DIAPH2: variants seen among roughly 807,000 people sequenced by gnomAD.
DIAPH2 encodes the protein protein diaphanous homolog 2.
In DIAPH2, 35 loss-of-function variants were observed where a neutral mutation model predicts 92.7. The observed-to-expected ratio is 0.38, with a 90% CI of 0.29 to 0.50. The LOEUF (loss-of-function observed/expected upper bound fraction) is 0.50. Among genes scored for constraint, DIAPH2 ranks in the 20% least tolerant of loss-of-function variants. The probability of loss-of-function intolerance (pLI) is 0.94; values close to 1 mark genes in which losing one functional copy is unlikely to be tolerated. For missense variants in DIAPH2, 701 were observed against 819.5 expected (o/e 0.86, Z 1.77); for synonymous variants, 301 against 280.4 (o/e 1.07, Z -0.73).
intron 25 of DIAPH2, among the ~76,000 whole-genome samples, chrX:97,426,775 G>A (rs1007683621): frequency 1.8e-5 from 2 of 112,225 alleles, no homozygotes; most frequent in East Asian, 5.5e-4. Context: ...CTGAACTGAC[G>A]TGTGCAGAAG....
Position 97,187,281 on chromosome X carries a change from C to CTTTT in DIAPH2, c.2719+45507_2719+45510dup, listed in dbSNP as rs763781923. Among the ~76,000 whole-genome samples, 16 of 36,879 alleles carry CTTTT rather than the reference C, an allele frequency of 4.3e-4. 6 individuals carry two copies. Among genetic ancestry groups the CTTTT allele is most frequent in the African/African-American group, 8.3e-4 (8 of 9,665 alleles). The allele number at this position is 36,879 out of a possible 115,157, so 32.0% of individuals were successfully genotyped here. A position where few individuals can be genotyped will look rare whatever the true frequency, so the allele number is the denominator to read the frequency against. On this transcript the variant is annotated intron_variant, in intron 22 of 26. Transcript: ENST00000324765. ...AGGGATTGAAGACTAATTAAGTAGC[C>CTTTT]TTTTTTTTTTTTTTTTTTTTTTTGC... is the stretch of plus-strand genomic sequence containing the variant.
chrX:96,739,020 T>A (rs2064104096), intron 3 of DIAPH2, among the ~76,000 whole-genome samples: 1 of 111,700 alleles, frequency 9.0e-6, no homozygotes, highest in South Asian at 3.8e-4. Flanking sequence ...TTTCTACTAT[T>A]TAGTAGTCTC....
intron 9 of DIAPH2, among the ~76,000 whole-genome samples, chrX:96,923,202 G>A (rs1455230422): frequency 1.8e-5 from 2 of 112,224 alleles, no homozygotes; most frequent in Non-Finnish European, 3.8e-5. Flanking sequence ...AAGGTGCCAT[G>A]TTTTTACAAT....
At chrX:97,423,869 A>G (rs527366110) in intron 25 of DIAPH2, among the ~76,000 whole-genome samples, 3 of 111,112 alleles carry the variant, frequency 2.7e-5, no homozygotes, top group South Asian at 7.4e-4. Context: ...TGAAATAAAC[A>G]CATAAACAAT....
At chrX:96,885,184 TA>T (rs1006658486) in intron 5 of DIAPH2, 14,362 of 539,753 alleles carry the variant, frequency 0.027, no homozygotes, top group Non-Finnish European at 0.029. Context: ...GAAGTAGGAC[TA>T]AAAAAAAAAA....
At chrX:97,035,958 T>A (rs2066408188) in intron 17 of DIAPH2, among the ~76,000 whole-genome samples, 1 of 110,864 alleles carries the variant, frequency 9.0e-6, no homozygotes, top group African/African-American at 3.3e-5. Context: ...AAAAAAAGAT[T>A]TCATTTGTTT....
chrX:97,263,829 C>T (rs971123279), intron 23 of DIAPH2, among the ~76,000 whole-genome samples: 15 of 109,075 alleles, frequency 1.4e-4, no homozygotes, highest in Non-Finnish European at 2.1e-4. Flanking sequence ...TCAGGTAATC[C>T]GCCCACCTAG....
At chrX:96,850,901 A>G (rs1270820387) in intron 4 of DIAPH2, among the ~76,000 whole-genome samples, 1 of 111,875 alleles carries the variant, frequency 8.9e-6, no homozygotes, top group Non-Finnish European at 1.9e-5. Context: ...AAAGAGAGTA[A>G]TGTTTGGTTT....
rs912304632 is a variant in DIAPH2 at position 97,079,243 on chromosome X, C to T, written c.2247+3982C>T. Among the ~76,000 whole-genome samples the T allele has an allele frequency of 5.4e-5, 6 of 110,954 alleles. No individual in the cohort carries two copies. The East Asian group carries it at 1.1e-3, about 21-fold the overall frequency. The stretch of plus-strand genomic sequence containing the variant: ...CCTGGTAGACAACATGAATGCTGAG[C>T]TATTGAGTTTGGTCATGGTCAAATT... On this transcript the variant is annotated intron_variant, in intron 19 of 26. Coordinates refer to ENST00000324765, the MANE Select transcript of DIAPH2 (RefSeq NM_006729.5).
At chrX:97,014,163 A>G (rs2066245503) in intron 17 of DIAPH2, among the ~76,000 whole-genome samples, 1 of 111,970 alleles carries the variant, frequency 8.9e-6, no homozygotes, top group Admixed American at 9.5e-5. Flanking sequence ...GAGGAACCAG[A>G]AATACATTAT....
At chrX:97,396,084 G>A (rs1432606281) in intron 25 of DIAPH2, among the ~76,000 whole-genome samples, 1 of 112,025 alleles carries the variant, frequency 8.9e-6, no homozygotes, top group Non-Finnish European at 1.9e-5. Context: ...ATTGTAGGTG[G>A]CCTAATCATT....
intron 17 of DIAPH2, among the ~76,000 whole-genome samples, chrX:97,034,603 T>A (rs1891458615): frequency 1.8e-5 from 2 of 111,257 alleles, no homozygotes; most frequent in Admixed American, 9.6e-5. Flanking sequence ...CATGTAACGA[T>A]TTAAAAATTA....
chrX:97,554,880 A>G lies in DIAPH2; in HGVS notation c.3242-44373A>G, dbSNP rs772046200. Among the ~76,000 whole-genome samples, 64 of 111,925 alleles carry G rather than the reference A, an allele frequency of 5.7e-4. 1 individual carries two copies. The highest frequency in any genetic ancestry group is 3.0e-3 in the South Asian group (8 of 2,659). On this transcript the variant is annotated intron_variant, in intron 26 of 26. Transcript: ENST00000324765. ...GTGTGTACTACATAAATAAAATAAA[A>G]TAATGCCTGGTGTCTCAACGCTGGC...
chrX:97,257,744 G>C (rs1257975873), intron 23 of DIAPH2, among the ~76,000 whole-genome samples: 4 of 111,315 alleles, frequency 3.6e-5, no homozygotes, highest in Non-Finnish European at 7.5e-5. Context: ...TGTTTACCCA[G>C]TCATAAAATT....
intron 22 of DIAPH2, among the ~76,000 whole-genome samples, chrX:97,207,882 AGCAGCTC>A (rs896914050): frequency 3.6e-5 from 4 of 111,745 alleles, no homozygotes; most frequent in African/African-American, 1.3e-4. Flanking sequence ...GGCCAGGTGC[AGCAGCTC>A]GCGCCTATAA....
At chrX:97,192,416 G>A (rs926236286) in intron 22 of DIAPH2, among the ~76,000 whole-genome samples, 4 of 110,329 alleles carry the variant, frequency 3.6e-5, no homozygotes, top group African/African-American at 1.3e-4. Flanking sequence ...TTTTAAATCC[G>A]TGCATATACC....
At chrX:96,809,223 G>T (rs2147658598) in intron 4 of DIAPH2, among the ~76,000 whole-genome samples, 1 of 109,436 alleles carries the variant, frequency 9.1e-6, no homozygotes, top group Non-Finnish European at 1.9e-5. Flanking sequence ...GTAGTAGCTG[G>T]AAGAGAATTC....
At chrX:97,306,420 A>G (rs912373823) in intron 23 of DIAPH2, among the ~76,000 whole-genome samples, 1 of 111,324 alleles carries the variant, frequency 9.0e-6, no homozygotes, top group Admixed American at 9.6e-5. Flanking sequence ...CAGATCTGGA[A>G]TGTTCAAATC....
chrX:97,200,936 A>G (rs200099857), intron 22 of DIAPH2, among the ~76,000 whole-genome samples: 1 of 111,405 alleles, frequency 9.0e-6, no homozygotes, highest in East Asian at 2.9e-4. Flanking sequence ...AGCTGGCATC[A>G]GGCCGGTGCC....
Sources: allele counts gnomAD v4.1 joint callset (sites outside exome capture counted in the v4.1 genomes callset), GRCh38; gene constraint gnomAD v4.1.1; transcripts MANE v1.5; gene names NCBI Gene and HGNC (gene_info 2026-07-23, HGNC 2026-07-21).